The following TRPM7 variants were observed in gnomAD, a reference collection of about 807,000 sequenced individuals.
TRPM7 encodes the protein transient receptor potential cation channel subfamily M member 7, also known as LTRPC ion channel family member 7.
A neutral mutation model predicts 229.7 loss-of-function variants in TRPM7; 134 were observed. That is an observed-to-expected ratio of 0.58 (90% CI 0.51 to 0.67). The LOEUF (loss-of-function observed/expected upper bound fraction) is 0.67, where lower values mean the gene tolerates loss of function less well. TRPM7 is among the 30% of genes least tolerant of loss of function. The pLI is 0.00. For missense variants in TRPM7, 1,901 were observed against 2,210.0 expected (o/e 0.86, Z 2.80); for synonymous variants, 699 against 715.2 (o/e 0.98, Z 0.36).
intron 25 of TRPM7, among the ~76,000 whole-genome samples, chr15:50,593,263 G>A (rs1032458454): frequency 7.3e-5 from 11 of 151,640 alleles, no homozygotes; most frequent in Admixed American, 3.3e-4. Context: ...TACTCCAGCC[G>A]GGGCAAAAGA....
chr15:50,558,563 G>A lies in TRPM7; in HGVS notation c.*3115C>T, dbSNP rs1032135357. On this transcript the variant is annotated 3_prime_UTR_variant, in exon 39 of 39. Transcript: ENST00000646667. ...CAAAAATCAGCCAGGCATTATGGTGGGTACCTGTAATCTCAGCTACTTTGG... is the reference window on the plus strand; with the variant it reads ...CAAAAATCAGCCAGGCATTATGGTGAGTACCTGTAATCTCAGCTACTTTGG... The A allele has an allele frequency of 2.0e-5, 3 of 151,900 alleles. No homozygotes were observed. The highest frequency in any genetic ancestry group is 2.9e-5 in the Non-Finnish European group (2 of 67,984). 9.4% of individuals were successfully genotyped at this position (151,900 alleles called of 1,614,324 possible). A position where few individuals can be genotyped will look rare whatever the true frequency, so the allele number is the denominator to read the frequency against.
Position 50,611,192 on chromosome 15 carries a change from A to G in TRPM7, c.2181T>C (p.Ser727=), listed in dbSNP as rs544942996. The change falls in exon 17 of 39, where the codon TCT becomes TCC. Residue 727 remains serine (S), a synonymous_variant. Coordinates refer to ENST00000646667, the MANE Select transcript of TRPM7 (RefSeq NM_017672.6). ...SNSTCLKLAV[S]SRLRPFVAHT... is the part of the protein sequence containing the mutation. ...GAGCTACAAAAGGTCTAAGTCTTGA[A>G]GAAACTGCTAACTTAAGGCAGGTTG... 1 of 1,614,036 alleles carries G rather than the reference A, an allele frequency of 6.2e-7. No individual in the cohort carries two copies. The highest frequency in any genetic ancestry group is 1.1e-5 in the South Asian group (1 of 91,074).
At chr15:50,682,647 C>A (rs1342935944) in intron 1 of TRPM7, among the ~76,000 whole-genome samples, 1 of 151,794 alleles carries the variant, frequency 6.6e-6, no homozygotes, top group Admixed American at 6.6e-5. Context: ...TCAACAAAAT[C>A]TCTAAAAGAA....
chr15:50,665,345 G>C (rs1206302651), intron 1 of TRPM7, among the ~76,000 whole-genome samples: 2 of 150,146 alleles, frequency 1.3e-5, no homozygotes, highest in Non-Finnish European at 2.9e-5. Flanking sequence ...AGTGAGCCAA[G>C]ATCATGCCAC....
chr15:50,640,078 A>T (rs1350504501), intron 5 of TRPM7, among the ~76,000 whole-genome samples: 2 of 152,108 alleles, frequency 1.3e-5, no homozygotes, highest in African/African-American at 4.8e-5. Flanking sequence ...CCGTTTTTGC[A>T]TTTCTCCTCT....
chr15:50,603,913 T>A (rs1485833992), intron 21 of TRPM7: 1 of 143,284 alleles, frequency 7.0e-6, no homozygotes, highest in Non-Finnish European at 1.5e-5. Context: ...AACAAACACA[T>A]GTGTTCATAC....
At chr15:50,613,562 T>G in intron 15 of TRPM7, 145 bp downstream of exon 15, 1 of 516,906 alleles carries the variant, frequency 1.9e-6, no homozygotes. Context: ...TATCTCTGTG[T>G]GTGAGAAAAT....
chr15:50,620,084 T>A (rs1048407253), intron 12 of TRPM7, among the ~76,000 whole-genome samples: 2 of 152,208 alleles, frequency 1.3e-5, no homozygotes. Flanking sequence ...TCATTGATAA[T>A]GGCGCTGTAC....
intron 7 of TRPM7, among the ~76,000 whole-genome samples, chr15:50,635,269 G>C (rs957335518): frequency 8.4e-6 from 1 of 119,040 alleles, no homozygotes; most frequent in African/African-American, 3.3e-5. Context: ...AGTGAGCCAA[G>C]ATCATGCCAC....
intron 19 of TRPM7, among the ~76,000 whole-genome samples, chr15:50,608,550 A>AG (rs1207008835): frequency 6.6e-6 from 1 of 152,192 alleles, no homozygotes; most frequent in Non-Finnish European, 1.5e-5. Flanking sequence ...AAACTGCCCT[A>AG]TTTTCATCAG....
chr15:50,658,393 C>T (rs62017203), intron 2 of TRPM7, among the ~76,000 whole-genome samples: 49,730 of 150,910 alleles, frequency 0.33, 9,990 homozygotes, highest in Admixed American at 0.47. Context: ...GGCAACAAAG[C>T]GAAACTCCGT....
chr15:50,637,286 A>G (rs1312042392), intron 7 of TRPM7, 136 bp downstream of exon 7: 3 of 754,970 alleles, frequency 4.0e-6, no homozygotes. Context: ...TCTAAGATCA[A>G]CCACTGTTGG....
intron 12 of TRPM7, among the ~76,000 whole-genome samples, chr15:50,620,658 C>T (rs927449805): frequency 3.9e-5 from 6 of 152,080 alleles, no homozygotes; most frequent in Non-Finnish European, 5.9e-5. Context: ...GGGCTGGGCG[C>T]GGTGGCTCAA....
intron 11 of TRPM7, among the ~76,000 whole-genome samples, chr15:50,627,142 C>T (rs1482532597): frequency 6.6e-6 from 1 of 152,138 alleles, no homozygotes; most frequent in Non-Finnish European, 1.5e-5. Context: ...TAAGTGATTA[C>T]TACCTACCAA....
chr15:50,605,690 A>AAG (rs2059901896), intron 20 of TRPM7, among the ~76,000 whole-genome samples: 1 of 152,210 alleles, frequency 6.6e-6, no homozygotes, highest in Non-Finnish European at 1.5e-5. Flanking sequence ...TCCCTTAGCC[A>AAG]ATTAATTACT....
chr15:50,684,256 G>A (rs1357668619), intron 1 of TRPM7, among the ~76,000 whole-genome samples: 1 of 151,498 alleles, frequency 6.6e-6, no homozygotes, highest in Non-Finnish European at 1.5e-5. Flanking sequence ...AGGTTCAAGC[G>A]ATTCTCCTGC....
chr15:50,574,147 T>C, intron 36 of TRPM7, 127 bp downstream of exon 36: 1 of 734,272 alleles, frequency 1.4e-6, no homozygotes, highest in Non-Finnish European at 2.2e-6. Context: ...TGTGATTAAC[T>C]TGCTTTTTTA....
rs1567129182 is a variant in TRPM7, at chr15:50,679,512, A to AT, written c.3+7018dup. 3.7e-4 allele frequency among the ~76,000 whole-genome samples: 23 copies of AT among 62,110 alleles called. 2 individuals carry two copies. The highest frequency in any genetic ancestry group is 2.0e-3 in the African/African-American group (20 of 9,844). 40.7% of individuals were successfully genotyped at this position (62,110 alleles called of 152,430 possible). On this transcript the variant is annotated intron_variant, in intron 1 of 38. Coordinates refer to ENST00000646667, the MANE Select transcript of TRPM7 (RefSeq NM_017672.6). ...TATTATATATATGTGTATATATATAATATATATATATATATATATATATAT... is the reference window on the plus strand; with the variant it reads ...TATTATATATATGTGTATATATATAATTATATATATATATATATATATATAT...
At chr15:50,611,802 T>C (rs1382736541) in intron 16 of TRPM7, among the ~76,000 whole-genome samples, 1 of 152,216 alleles carries the variant, frequency 6.6e-6, no homozygotes, top group Admixed American at 6.5e-5. Context: ...CACTGCCCTC[T>C]AAATACCCCA....
Sources: allele counts gnomAD v4.1 joint callset (sites outside exome capture counted in the v4.1 genomes callset), GRCh38; gene constraint gnomAD v4.1.1; transcripts MANE v1.5; gene names NCBI Gene and HGNC (gene_info 2026-07-23, HGNC 2026-07-21).